The following AKR1C8 variants were observed in gnomAD, a reference collection of about 807,000 sequenced individuals.
The protein encoded by AKR1C8 is aldo-keto reductase family 1 member C-like protein 1.
chr10:5,156,894 C>T, the AKR1C8 span, among the ~76,000 whole-genome samples: 1 of 152,004 alleles, frequency 6.6e-6, no homozygotes, highest in African/African-American at 2.4e-5. Context: ...AAATGAGAAA[C>T]AGCTTACATA....
chr10:5,143,690 T>G, the AKR1C8 span, among the ~76,000 whole-genome samples: 2 of 148,414 alleles, frequency 1.3e-5, no homozygotes, highest in Non-Finnish European at 3.0e-5. Flanking sequence ...TAACATATAC[T>G]AGATATATTA....
At chr10:5,153,860 G>T in the AKR1C8 span, among the ~76,000 whole-genome samples, 7 of 152,116 alleles carry the variant, frequency 4.6e-5, no homozygotes, top group African/African-American at 1.7e-4. Context: ...ATGTTGTTTA[G>T]AAAAATCATG....
chr10:5,177,625 A>G, the AKR1C8 span, among the ~76,000 whole-genome samples: 10 of 152,076 alleles, frequency 6.6e-5, no homozygotes, highest in African/African-American at 2.2e-4. Context: ...CTTTTTGGTT[A>G]GTAAGCTATT....
chr10:5,176,205 G>C, the AKR1C8 span, among the ~76,000 whole-genome samples: 360 of 146,820 alleles, frequency 2.5e-3, 3 homozygotes, highest in Non-Finnish European at 3.4e-3. Context: ...TGGCTAGCCA[G>C]TTTTCCCAGC....
At chr10:5,153,127 G>T in the AKR1C8 span, among the ~76,000 whole-genome samples, 1 of 152,108 alleles carries the variant, frequency 6.6e-6, no homozygotes, top group African/African-American at 2.4e-5. Context: ...TTCTCCACTA[G>T]ACTACAAACT....
chr10:5,145,073 A>G, the AKR1C8 span, among the ~76,000 whole-genome samples: 1 of 152,004 alleles, frequency 6.6e-6, no homozygotes, highest in South Asian at 2.1e-4. Flanking sequence ...GAGAGTTTTT[A>G]GCATGAAGGG....
At chr10:5,138,338 G>A in the AKR1C8 span, among the ~76,000 whole-genome samples, 1 of 152,078 alleles carries the variant, frequency 6.6e-6, no homozygotes, top group Non-Finnish European at 1.5e-5. Context: ...GCTAGGAAAA[G>A]AATTTAGTGA....
At chr10:5,176,578 A>G in the AKR1C8 span, among the ~76,000 whole-genome samples, 2 of 150,802 alleles carry the variant, frequency 1.3e-5, no homozygotes, top group African/African-American at 4.9e-5. Context: ...CAGTATGGCC[A>G]TTTTCACGAT....
the AKR1C8 span, among the ~76,000 whole-genome samples, chr10:5,178,927 T>C: frequency 6.6e-6 from 1 of 152,232 alleles, no homozygotes; most frequent in African/African-American, 2.4e-5. Flanking sequence ...CTTGACTCTT[T>C]ATCCAATTTG....
At chr10:5,147,118 T>C in the AKR1C8 span, among the ~76,000 whole-genome samples, 3 of 152,294 alleles carry the variant, frequency 2.0e-5, no homozygotes, top group Middle Eastern at 3.4e-3. Context: ...GGAGTTAGCA[T>C]GCGCTGACGT....
chr10:5,183,284 A>G, the AKR1C8 span, among the ~76,000 whole-genome samples: 2 of 152,194 alleles, frequency 1.3e-5, no homozygotes, highest in Non-Finnish European at 2.9e-5. Context: ...TAGAATACCC[A>G]TAATCCAGAG....
At chr10:5,148,146 A>C in the AKR1C8 span, among the ~76,000 whole-genome samples, 18 of 152,092 alleles carry the variant, frequency 1.2e-4, no homozygotes, top group Non-Finnish European at 5.9e-5. Flanking sequence ...CTGCCTGAAG[A>C]TTGTATACAA....
the AKR1C8 span, among the ~76,000 whole-genome samples, chr10:5,120,869 T>C: frequency 6.6e-6 from 1 of 152,158 alleles, no homozygotes; most frequent in Non-Finnish European, 1.5e-5. Context: ...TTCTACCAGT[T>C]TGGAGTGTAG....
the AKR1C8 span, among the ~76,000 whole-genome samples, chr10:5,129,900 T>A: frequency 6.6e-6 from 1 of 151,786 alleles, no homozygotes; most frequent in African/African-American, 2.4e-5. Flanking sequence ...GAGACGGAAC[T>A]CTGCCTAAAT....
the AKR1C8 span, among the ~76,000 whole-genome samples, chr10:5,148,542 A>AT: frequency 3.2e-4 from 49 of 152,280 alleles, no homozygotes; most frequent in Non-Finnish European, 5.7e-4. Context: ...ATATTTGAGG[A>AT]TAAAAAAATG....
chr10:5,162,141 G>A, the AKR1C8 span, among the ~76,000 whole-genome samples: 1 of 152,186 alleles, frequency 6.6e-6, no homozygotes, highest in South Asian at 2.1e-4. Flanking sequence ...TCCTTGCTGG[G>A]ATACTGAGAT....
At chr10:5,137,276 A>C in the AKR1C8 span, among the ~76,000 whole-genome samples, 1 of 152,052 alleles carries the variant, frequency 6.6e-6, no homozygotes, top group Non-Finnish European at 1.5e-5. Flanking sequence ...CTGATACCAA[A>C]GCCTGGCAGA....
the AKR1C8 span, among the ~76,000 whole-genome samples, chr10:5,145,067 G>GT: frequency 6.6e-6 from 1 of 151,908 alleles, no homozygotes; most frequent in African/African-American, 2.4e-5. Flanking sequence ...TTTATTGAGA[G>GT]TTTTTAGCAT....
At chr10:5,160,258 A>G in the AKR1C8 span, among the ~76,000 whole-genome samples, 119,930 of 151,972 alleles carry the variant, frequency 0.79, 47,449 homozygotes, top group African/African-American at 0.83. Flanking sequence ...TTATTTCAAT[A>G]CTACCTATCT....
Sources: gnomAD v4.1 joint callset for allele counts (sites outside exome capture counted in the v4.1 genomes callset) on GRCh38, gnomAD v4.1.1 for gene constraint, MANE v1.5 for transcripts, NCBI Gene and HGNC (gene_info 2026-07-23, HGNC 2026-07-21) for gene names.